Variants in NEBL observed in about 807,000 individuals in gnomAD.
NEBL encodes the protein nebulette.
In NEBL, 122 loss-of-function variants were observed where a neutral mutation model predicts 140.2. The ratio of observed to expected loss-of-function variants is 0.87; its 90% CI spans 0.75 to 1.01. The LOEUF (loss-of-function observed/expected upper bound fraction) is 1.01, where lower values mean the gene tolerates loss of function less well. Ranked by LOEUF, NEBL falls within the 50% of genes least tolerant of loss-of-function variation. The probability of loss-of-function intolerance (pLI) is 0.00; values close to 1 mark genes in which losing one functional copy is unlikely to be tolerated. For synonymous variants in NEBL, 436 were observed against 398.9 expected (o/e 1.09, Z -1.11); for missense variants, 1,365 against 1,231.3 (o/e 1.11, Z -1.62).
intron 9 of NEBL, among the ~76,000 whole-genome samples, chr10:20,857,480 G>A (rs1843195321): frequency 6.6e-6 from 1 of 152,180 alleles, no homozygotes; most frequent in Non-Finnish European, 1.5e-5. Flanking sequence ...GCAAGTGAGT[G>A]AGAAAGTGAT....
In NEBL at chr10:21,134,958, T is replaced by G. The variant is rs532514826; in HGVS notation, c.164+37425A>C. Among the ~76,000 whole-genome samples the G allele has an allele frequency of 2.0e-5, 3 of 152,318 alleles. 1 individual carries two copies. In the South Asian group the frequency reaches 6.2e-4, roughly 32 times the overall value. ...ACACACATCACACACACTTAATATTTTATGCCTTTTTAAAAAACCAGACAT... is the reference window on the plus strand; with the variant it reads ...ACACACATCACACACACTTAATATTGTATGCCTTTTTAAAAAACCAGACAT... On this transcript the variant is annotated intron_variant, in intron 2 of 6. Transcript: ENST00000417816.
chr10:21,069,911 CT>C, intron 2 of NEBL: 1 of 429,122 alleles, frequency 2.3e-6, no homozygotes, highest in South Asian at 1.7e-5. Context: ...CAATTTTCCC[CT>C]GATAGCGCAA....
At chr10:21,244,613 C>A (rs957539738) in intron 3 of NEBL, among the ~76,000 whole-genome samples, 1 of 151,678 alleles carries the variant, frequency 6.6e-6, no homozygotes, top group African/African-American at 2.4e-5. Flanking sequence ...GATTGCACCA[C>A]TGCACTCCAG....
chr10:20,831,434 G>A (rs375700855), intron 15 of NEBL, 39 bp downstream of exon 15: 15 of 1,544,256 alleles, frequency 9.7e-6, no homozygotes, highest in South Asian at 6.7e-5. Flanking sequence ...TATGATTCAC[G>A]GCATTTATTT....
chr10:21,211,783 G>C (rs1270703266), intron 3 of NEBL, among the ~76,000 whole-genome samples: 1 of 152,142 alleles, frequency 6.6e-6, no homozygotes, highest in Non-Finnish European at 1.5e-5. Flanking sequence ...TGTTGGGGAA[G>C]GATCCTCAAA....
At chr10:20,888,045 C>T in intron 4 of NEBL, 52 bp downstream of exon 4, 2 of 1,257,536 alleles carry the variant, frequency 1.6e-6, no homozygotes, top group Non-Finnish European at 2.3e-6. Context: ...TAGCTTTTTT[C>T]CAGTTATATG....
Position 20,859,710 on chromosome 10 carries a change from T to A in NEBL, c.798+3A>T. 6.4e-7 allele frequency: 1 copy of A among 1,552,020 alleles called. No homozygotes were observed. Among genetic ancestry groups the A allele is most frequent in the Admixed American group, 1.7e-5 (1 of 59,458 alleles). ...AAATAATTTTCTATGAATTACAACTTACATTGCTCGCCAGTGTAGCAGCAA... is the reference window on the plus strand; with the variant it reads ...AAATAATTTTCTATGAATTACAACTAACATTGCTCGCCAGTGTAGCAGCAA... On this transcript the variant is annotated splice_donor_region_variant and intron_variant, in intron 8 of 27. Coordinates refer to ENST00000377122, the MANE Select transcript of NEBL (RefSeq NM_006393.3).
chr10:21,155,102 G>C (rs778118534), intron 2 of NEBL, among the ~76,000 whole-genome samples: 1 of 152,124 alleles, frequency 6.6e-6, no homozygotes, highest in Non-Finnish European at 1.5e-5. Context: ...CAGAGGCTGA[G>C]GGAGGAGAAT....
chr10:21,272,023 T>TCTCAGC (rs1266116824), intron 1 of NEBL, among the ~76,000 whole-genome samples: 1 of 150,676 alleles, frequency 6.6e-6, no homozygotes. Context: ...AGTGGTGTAA[T>TCTCAGC]CTCAGCTCAC....
chr10:21,237,414 A>G (rs756819102), intron 3 of NEBL, among the ~76,000 whole-genome samples: 12 of 152,114 alleles, frequency 7.9e-5, no homozygotes, highest in African/African-American at 1.2e-4. Context: ...CGTGTTGGCC[A>G]GGCTGGTCTC....
At chr10:20,886,169 C>T (rs1846499076) in intron 4 of NEBL, among the ~76,000 whole-genome samples, 1 of 151,946 alleles carries the variant, frequency 6.6e-6, no homozygotes, top group Non-Finnish European at 1.5e-5. Context: ...TGCACATGTA[C>T]CCCAGAACTT....
chr10:20,795,827 T>C (rs1383518497), intron 26 of NEBL, among the ~76,000 whole-genome samples: 3 of 152,186 alleles, frequency 2.0e-5, no homozygotes, highest in Admixed American at 6.5e-5. Context: ...GAATAAGCAA[T>C]GCTGTCACCA....
intron 3 of NEBL, among the ~76,000 whole-genome samples, chr10:21,200,658 G>C (rs951959282): frequency 6.6e-6 from 1 of 152,166 alleles, no homozygotes; most frequent in African/African-American, 2.4e-5. Flanking sequence ...ATGTTTGCAA[G>C]GTGGTATTCA....
At chr10:20,854,766 C>T (rs567280472) in intron 9 of NEBL, among the ~76,000 whole-genome samples, 29 of 151,746 alleles carry the variant, frequency 1.9e-4, no homozygotes, top group South Asian at 1.5e-3. Flanking sequence ...GGTCCCACTA[C>T]GCTGCCCACG....
Position 20,889,826 on chromosome 10 carries a change from C to T in NEBL, c.258+19G>A. 6.7e-7 allele frequency: 1 copy of T among 1,490,714 alleles called. No homozygotes were observed. The highest frequency in any genetic ancestry group is 9.4e-7 in the Non-Finnish European group (1 of 1,067,474). 92.3% of individuals were successfully genotyped at this position (1,490,714 alleles called of 1,614,324 possible). ...AAAAAGATAAATGCAAGCCAGTTTG[C>T]AAGCTTTTGATACCTTACCTCAGAA... On this transcript the variant is annotated intron_variant, in intron 3 of 27. Coordinates refer to ENST00000377122, the MANE Select transcript of NEBL (RefSeq NM_006393.3).
rs77643565 is a variant in NEBL, at chr10:20,818,641, A to C, written c.2055+783T>G. The C allele has an allele frequency of 7.9e-3, 2,047 of 258,040 alleles. 48 individuals carry two copies. The highest frequency in any genetic ancestry group is 0.045 in the African/African-American group (1,935 of 43,378). 16.0% of individuals were successfully genotyped at this position (258,040 alleles called of 1,614,324 possible). ...AGATCCAGTATTCTCCATTAACTGC[A>C]TTTTTTTAAAGAGATTTACCAACTG... On this transcript the variant is annotated intron_variant, in intron 20 of 27. Transcript: ENST00000377122.
chr10:20,922,017 C>T (rs1029554808), intron 4 of NEBL, among the ~76,000 whole-genome samples: 1 of 152,190 alleles, frequency 6.6e-6, no homozygotes, highest in Non-Finnish European at 1.5e-5. Flanking sequence ...ATAGAGCAAG[C>T]AATGGTCTCC....
chr10:21,185,719 A>T (rs552937954), intron 3 of NEBL, among the ~76,000 whole-genome samples: 3 of 151,142 alleles, frequency 2.0e-5, no homozygotes, highest in East Asian at 1.9e-4. Flanking sequence ...CTGGTCTCGA[A>T]CTCCTGACCT....
intron 21 of NEBL, 83 bp from the exon 22 acceptor site, chr10:20,815,800 G>C: frequency 1.0e-6 from 1 of 1,003,116 alleles, no homozygotes; most frequent in South Asian, 1.3e-5. Context: ...ACAGGGTCTT[G>C]CTCTGTCACC....
Sources: allele counts gnomAD v4.1 joint callset (sites outside exome capture counted in the v4.1 genomes callset), GRCh38; gene constraint gnomAD v4.1.1; transcripts MANE v1.5; gene names NCBI Gene and HGNC (gene_info 2026-07-23, HGNC 2026-07-21).